ZMYM1: variants seen among roughly 807,000 people sequenced by gnomAD.
ZMYM1 encodes the protein zinc finger MYM-type protein 1.
Under a neutral mutation model 60.0 loss-of-function variants are expected in ZMYM1, and 39 were observed. The observed-to-expected ratio is 0.65, with a 90% CI of 0.50 to 0.85. The LOEUF is 0.85. ZMYM1 is among the 40% of genes least tolerant of loss of function. ZMYM1 has a pLI of 0.00. For synonymous variants in ZMYM1, 413 were observed against 454.0 expected, an observed-to-expected ratio of 0.91 and a Z score of 1.15; for missense variants, 1,171 against 1,309.5, an observed-to-expected ratio of 0.89 and a Z score of 1.63.
In ZMYM1 at chr1:35,115,119, T is replaced by C; in HGVS notation, c.3289T>C (p.Leu1097=). ...TACCCTGCCTCGTCTTAAGACATAT[T>C]TATGTAATACCATGGGACAAGAGAA... ...FSTLPRLKTY[L]CNTMGQEKLT... Residue 1097 remains leucine (L), a synonymous_variant, in exon 10 of 10, where the codon TTA becomes CTA. Transcript: ENST00000359858. 1 of 1,614,108 alleles carries C rather than the reference T, an allele frequency of 6.2e-7. No homozygotes were observed. Among genetic ancestry groups the C allele is most frequent in the South Asian group, 1.1e-5 (1 of 91,084 alleles).
intron 1 of ZMYM1, among the ~76,000 whole-genome samples, chr1:35,088,903 C>G (rs757428141): frequency 6.6e-6 from 1 of 151,014 alleles, no homozygotes; most frequent in African/African-American, 2.4e-5. Flanking sequence ...CCTCTGCCTC[C>G]CAGATTCAAG....
intron 1 of ZMYM1, among the ~76,000 whole-genome samples, chr1:35,073,110 A>G (rs1339682894): frequency 6.6e-6 from 1 of 150,654 alleles, no homozygotes; most frequent in Non-Finnish European, 1.5e-5. Flanking sequence ...AATACGAAAA[A>G]TTAGCCAGGC....
At chr1:35,082,975 C>G (rs190036491) in intron 1 of ZMYM1, among the ~76,000 whole-genome samples, 1 of 151,168 alleles carries the variant, frequency 6.6e-6, no homozygotes, top group African/African-American at 2.4e-5. Context: ...GAGTAAAACT[C>G]TGTCTCCAAA....
At chr1:35,100,767 GATTT>G (rs1409815196) in intron 4 of ZMYM1, among the ~76,000 whole-genome samples, 3 of 151,686 alleles carry the variant, frequency 2.0e-5, no homozygotes, top group Non-Finnish European at 4.4e-5. Flanking sequence ...ACTAAGGTTT[GATTT>G]ATTTATCGGA....
chr1:35,100,020 A>G (rs765296665), intron 4 of ZMYM1, among the ~76,000 whole-genome samples: 43 of 152,126 alleles, frequency 2.8e-4, no homozygotes, highest in Non-Finnish European at 5.3e-4. Context: ...CCTCCCAAGT[A>G]GCTGGGATTA....
At chr1:35,080,438 T>A (rs1364299368) in intron 1 of ZMYM1, among the ~76,000 whole-genome samples, 1 of 151,680 alleles carries the variant, frequency 6.6e-6, no homozygotes, top group Non-Finnish European at 1.5e-5. Context: ...CACCTCAGGT[T>A]CCAGAGTAGC....
intron 1 of ZMYM1, among the ~76,000 whole-genome samples, chr1:35,071,627 C>T (rs1642068384): frequency 6.6e-6 from 1 of 152,132 alleles, no homozygotes; most frequent in Non-Finnish European, 1.5e-5. Flanking sequence ...AGCCACTGCA[C>T]CCAGCCTTCC....
At chr1:35,102,711 A>T (rs1181485041) in intron 4 of ZMYM1, among the ~76,000 whole-genome samples, 2 of 152,206 alleles carry the variant, frequency 1.3e-5, no homozygotes, top group Non-Finnish European at 2.9e-5. Context: ...ACTTTCAAGT[A>T]AAAATGTTTT....
In ZMYM1 at chr1:35,097,435, C is replaced by T. The variant is rs948741138; in HGVS notation, c.288C>T (p.Leu96=). ...QVSCAGCKKI[L]QKGQTAYQRK... is the part of the protein sequence containing the mutation. ...CCTGTGCTGGTTGTAAAAAAATTCT[C>T]CAGAAGGGGCAAACTGCTTATCAGA... Residue 96 remains leucine, a synonymous_variant, in exon 4 of 10, where the codon CTC becomes CTT. Coordinates refer to ENST00000359858, the MANE Select transcript of ZMYM1 (RefSeq NM_024772.5). 20 of 1,614,008 alleles carry T rather than the reference C, an allele frequency of 1.2e-5. No homozygotes were observed. Among genetic ancestry groups the T allele is most frequent in the Non-Finnish European group, 1.6e-5 (19 of 1,180,020 alleles).
chr1:35,110,253 C>T, intron 6 of ZMYM1, 41 bp from the exon 7 acceptor site: 1 of 1,359,532 alleles, frequency 7.4e-7, no homozygotes, highest in Non-Finnish European at 9.6e-7. Flanking sequence ...AACAACATAT[C>T]ATATACCAGG....
chr1:35,094,574 G>A (rs1187852340), intron 2 of ZMYM1, among the ~76,000 whole-genome samples: 2 of 152,120 alleles, frequency 1.3e-5, no homozygotes, highest in Admixed American at 6.6e-5. Context: ...TGTATATATG[G>A]CCAGGCACAG....
intron 9 of ZMYM1, 38 bp from the exon 10 acceptor site, chr1:35,112,939 A>G (rs1223780387): frequency 1.4e-6 from 2 of 1,452,110 alleles, no homozygotes; most frequent in South Asian, 1.6e-5. Context: ...TTAATTTTTG[A>G]AAACTGTTAA....
chr1:35,080,025 T>C (rs1286037795), intron 1 of ZMYM1, among the ~76,000 whole-genome samples: 1 of 151,764 alleles, frequency 6.6e-6, no homozygotes, highest in African/African-American at 2.4e-5. Context: ...GGCAGGAGAA[T>C]CGCTTGAACC....
intron 4 of ZMYM1, among the ~76,000 whole-genome samples, chr1:35,099,791 C>G (rs1643540924): frequency 6.6e-6 from 1 of 152,172 alleles, no homozygotes; most frequent in African/African-American, 2.4e-5. Context: ...TCTTAAACTC[C>G]TGAGTTCAAG....
At chr1:35,092,386 CCACA>C (rs1210664173) in intron 1 of ZMYM1, among the ~76,000 whole-genome samples, 3 of 131,392 alleles carry the variant, frequency 2.3e-5, no homozygotes, top group Non-Finnish European at 4.9e-5. Context: ...GCACACACCA[CCACA>C]CTCGGTTGAT....
intron 4 of ZMYM1, among the ~76,000 whole-genome samples, chr1:35,100,621 CAAAA>C (rs200864645): frequency 9.2e-6 from 1 of 108,350 alleles, no homozygotes; most frequent in Non-Finnish European, 2.0e-5. Context: ...GACCCTGTCT[CAAAA>C]AAAAAAAAAA....
chr1:35,089,264 G>A (rs1411882355), intron 1 of ZMYM1, among the ~76,000 whole-genome samples: 1 of 152,110 alleles, frequency 6.6e-6, no homozygotes, highest in East Asian at 1.9e-4. Flanking sequence ...CACAAAACTC[G>A]GTGCTTTGTT....
intron 3 of ZMYM1, 97 bp downstream of exon 3, chr1:35,095,988 G>A: frequency 1.1e-6 from 1 of 950,612 alleles, no homozygotes; most frequent in Non-Finnish European, 1.6e-6. Context: ...TGTTTGTGTT[G>A]GGTTTTAAGT....
intron 1 of ZMYM1, among the ~76,000 whole-genome samples, chr1:35,062,845 C>A (rs1054960518): frequency 6.6e-6 from 1 of 152,234 alleles, no homozygotes; most frequent in African/African-American, 2.4e-5. Flanking sequence ...TGATCCACAT[C>A]ACTGCTAATG....
Sources: gnomAD v4.1 joint callset for allele counts (sites outside exome capture counted in the v4.1 genomes callset) on GRCh38, gnomAD v4.1.1 for gene constraint, MANE v1.5 for transcripts, NCBI Gene and HGNC (gene_info 2026-07-23, HGNC 2026-07-21) for gene names.